The following ATG5 variants were observed in gnomAD, a reference collection of about 807,000 sequenced individuals.
The protein encoded by ATG5 is autophagy protein 5.
A neutral mutation model predicts 36.5 loss-of-function variants in ATG5; 14 were observed. The ratio of observed to expected loss-of-function variants is 0.38; its 90% CI spans 0.25 to 0.60. The LOEUF is 0.60. Ranked by LOEUF, ATG5 falls within the 20% of genes least tolerant of loss-of-function variation. The probability of loss-of-function intolerance (pLI) is 0.60; values close to 1 mark genes in which losing one functional copy is unlikely to be tolerated. For synonymous variants in ATG5, 95 were observed against 101.5 expected, an observed-to-expected ratio of 0.94 and a Z score of 0.38; for missense variants, 195 against 326.7, an observed-to-expected ratio of 0.60 and a Z score of 3.11.
At chr6:106,322,585 T>G (rs893587996) in intron 1 of ATG5, among the ~76,000 whole-genome samples, 1 of 152,154 alleles carries the variant, frequency 6.6e-6, no homozygotes, top group Non-Finnish European at 1.5e-5. Context: ...TGCTTTCTAT[T>G]TCCTTCTATC....
At chr6:106,228,027 G>C (rs917839740) in intron 6 of ATG5, among the ~76,000 whole-genome samples, 2 of 152,154 alleles carry the variant, frequency 1.3e-5, no homozygotes, top group South Asian at 4.1e-4. Context: ...ATCTAACAAG[G>C]AGGGGCTTAA....
At chr6:106,312,651 C>T (rs1472259376) in intron 2 of ATG5, among the ~76,000 whole-genome samples, 2 of 138,144 alleles carry the variant, frequency 1.4e-5, no homozygotes, top group Non-Finnish European at 3.2e-5. Context: ...CACACACACA[C>T]ACACACACAT....
At chr6:106,218,894 A>G (rs932708250) in intron 6 of ATG5, among the ~76,000 whole-genome samples, 7 of 152,196 alleles carry the variant, frequency 4.6e-5, no homozygotes, top group African/African-American at 1.7e-4. Flanking sequence ...TTCAAAACTT[A>G]AATTAAAATA....
chr6:106,206,668 A>G (rs79867374), intron 6 of ATG5, among the ~76,000 whole-genome samples: 14,320 of 150,778 alleles, frequency 0.095, 906 homozygotes, highest in Admixed American at 0.23. Context: ...AAAAAAAAGT[A>G]CACACTCTAA....
At chr6:106,264,539 T>G (rs1484750583) in intron 5 of ATG5, among the ~76,000 whole-genome samples, 2 of 152,036 alleles carry the variant, frequency 1.3e-5, no homozygotes, top group African/African-American at 4.8e-5. Context: ...CACATAATCA[T>G]CAGATTCTCT....
chr6:106,306,900 T>C lies in ATG5; in HGVS notation c.236+1464A>G, dbSNP rs1582681225. ...TGCCTTATCTATGCTGCGTGAGGTC[T>C]AGAACTACACAAGAAGAATCAGAGG... On this transcript the variant is annotated intron_variant, in intron 3 of 7. Coordinates refer to ENST00000369076, the MANE Select transcript of ATG5 (RefSeq NM_004849.4). 2.6e-5 allele frequency among the ~76,000 whole-genome samples: 4 copies of C among 152,298 alleles called. 1 individual carries two copies. The Middle Eastern group carries it at 0.01, about 389-fold the overall frequency.
chr6:106,255,808 A>G (rs568929896), intron 5 of ATG5, among the ~76,000 whole-genome samples: 6 of 152,342 alleles, frequency 3.9e-5, no homozygotes, highest in African/African-American at 1.4e-4. Context: ...TCTTTAAAGC[A>G]GCTTGTCAAA....
chr6:106,252,271 T>C (rs1483793581), intron 5 of ATG5, among the ~76,000 whole-genome samples: 1 of 151,678 alleles, frequency 6.6e-6, no homozygotes, highest in Admixed American at 6.6e-5. Context: ...TTTCTTTTTA[T>C]AAAACTTAAC....
At chr6:106,303,985 A>G (rs555299985) in intron 3 of ATG5, among the ~76,000 whole-genome samples, 7 of 151,882 alleles carry the variant, frequency 4.6e-5, no homozygotes, top group South Asian at 4.1e-4. Context: ...AAAAAAAAAA[A>G]AAGAAGAAAA....
At position 106,315,338 on chromosome 6, in the gene ATG5, C is replaced by T. The variant is rs889800044; in HGVS notation, c.108+763G>A. Among the ~76,000 whole-genome samples the T allele has an allele frequency of 5.3e-5, 8 of 152,104 alleles. No homozygotes were observed. In the East Asian group the frequency reaches 9.6e-4, roughly 18 times the overall value. On this transcript the variant is annotated intron_variant, in intron 2 of 7. Transcript: ENST00000369076. ...ATACCTGAGACACAAAAAGAAAAAACAGTAACGACAATTGAGAATATCTTT... is the reference window on the plus strand; with the variant it reads ...ATACCTGAGACACAAAAAGAAAAAATAGTAACGACAATTGAGAATATCTTT...
intron 5 of ATG5, among the ~76,000 whole-genome samples, chr6:106,249,365 A>G (rs1193580279): frequency 6.6e-6 from 1 of 152,142 alleles, no homozygotes; most frequent in Non-Finnish European, 1.5e-5. Context: ...GTTCTTTTGC[A>G]TCTGGGTTTT....
chr6:106,227,402 C>T (rs1777490006), intron 6 of ATG5, among the ~76,000 whole-genome samples: 5 of 152,082 alleles, frequency 3.3e-5, no homozygotes, highest in Admixed American at 3.3e-4. Context: ...TGAAGACCAG[C>T]CTGGGCAGCA....
At chr6:106,188,314 T>A (rs1159107075) in intron 7 of ATG5, among the ~76,000 whole-genome samples, 3 of 152,202 alleles carry the variant, frequency 2.0e-5, no homozygotes, top group Non-Finnish European at 4.4e-5. Context: ...TCTCTTCATA[T>A]TCTTATATTT....
At chr6:106,223,853 T>C (rs539697015) in intron 6 of ATG5, among the ~76,000 whole-genome samples, 1 of 152,346 alleles carries the variant, frequency 6.6e-6, no homozygotes, top group East Asian at 1.9e-4. Flanking sequence ...GGCTCTGCCA[T>C]CAAACAATAA....
chr6:106,279,185 T>C (rs1222408337), intron 5 of ATG5, among the ~76,000 whole-genome samples: 3 of 152,168 alleles, frequency 2.0e-5, no homozygotes, highest in Non-Finnish European at 4.4e-5. Context: ...ACATTCCACT[T>C]AGCTTTTTCC....
chr6:106,278,039 G>C (rs1229099984), intron 5 of ATG5, among the ~76,000 whole-genome samples: 1 of 151,918 alleles, frequency 6.6e-6, no homozygotes, highest in African/African-American at 2.4e-5. Context: ...TGAACTCCTT[G>C]GGCTCAAGCA....
chr6:106,216,502 A>G (rs770431122), intron 6 of ATG5, among the ~76,000 whole-genome samples: 3 of 152,220 alleles, frequency 2.0e-5, no homozygotes, highest in African/African-American at 4.8e-5. Context: ...ACAAAAGGCC[A>G]TATATTACAT....
At chr6:106,201,151 C>T (rs1044681648) in intron 7 of ATG5, among the ~76,000 whole-genome samples, 9 of 152,078 alleles carry the variant, frequency 5.9e-5, no homozygotes, top group Admixed American at 5.9e-4. Flanking sequence ...AGTACAGACA[C>T]AATCATCCAT....
At chr6:106,293,784 A>G (rs1780420950) in intron 3 of ATG5, among the ~76,000 whole-genome samples, 1 of 152,216 alleles carries the variant, frequency 6.6e-6, no homozygotes, top group Non-Finnish European at 1.5e-5. Flanking sequence ...AGTGAAGTAA[A>G]TAACTTAGCA....
Sources: gnomAD v4.1 joint callset for allele counts (sites outside exome capture counted in the v4.1 genomes callset) on GRCh38, gnomAD v4.1.1 for gene constraint, MANE v1.5 for transcripts, NCBI Gene and HGNC (gene_info 2026-07-23, HGNC 2026-07-21) for gene names.